The following MGAT4C variants were observed in gnomAD, a reference collection of about 807,000 sequenced individuals.
MGAT4C encodes alpha-1,3-mannosyl-glycoprotein 4-beta-N-acetylglucosaminyltransferase C.
In MGAT4C, 19 loss-of-function variants were observed where a neutral mutation model predicts 40.1. The ratio of observed to expected loss-of-function variants is 0.47; its 90% CI spans 0.33 to 0.70. The LOEUF (loss-of-function observed/expected upper bound fraction) is 0.70. Ranked by LOEUF, MGAT4C falls within the 30% of genes least tolerant of loss-of-function variation. The pLI is 0.02. For synonymous variants in MGAT4C, 181 were observed against 187.1 expected (o/e 0.97, Z 0.27); for missense variants, 491 against 563.2 (o/e 0.87, Z 1.30).
intron 3 of MGAT4C, among the ~76,000 whole-genome samples, chr12:86,409,540 C>A (rs1416302023): frequency 1.3e-5 from 2 of 152,170 alleles, no homozygotes; most frequent in African/African-American, 4.8e-5. Context: ...AAAGACATCA[C>A]AACCTTACAG....
intron 2 of MGAT4C, among the ~76,000 whole-genome samples, chr12:86,048,610 T>A (rs892104900): frequency 1.3e-5 from 2 of 151,750 alleles, no homozygotes; most frequent in Admixed American, 6.6e-5. Context: ...GGAAGAGATA[T>A]GGAAAATAAA....
chr12:86,450,817 C>T (rs1485008696), intron 2 of MGAT4C, among the ~76,000 whole-genome samples: 1 of 151,940 alleles, frequency 6.6e-6, no homozygotes, highest in Non-Finnish European at 1.5e-5. Context: ...TGCTTTCTTA[C>T]ATACACGTTT....
At position 85,979,650 on chromosome 12, in the gene MGAT4C, T is replaced by C; in HGVS notation, c.1076A>G (p.Lys359Arg). 6.2e-7 allele frequency: 1 copy of C among 1,612,788 alleles called. No homozygotes were observed. Among genetic ancestry groups the C allele is most frequent in the South Asian group, 1.1e-5 (1 of 91,074 alleles). ...GTACTCATCAACACTACTGTAAGCC[T>C]TGCTTGCTTCATAATTTTCAAACAC... ...MNVFENYEAS[K>R]AYSSVDEYFW... Residue 359 changes from lysine to arginine, a missense_variant, in exon 5 of 5, where the codon AAG (lysine) becomes AGG (arginine). Physicochemically the swap from Lys to Arg is conservative, Grantham distance 26 (BLOSUM62 2). Transcript: ENST00000611864.
intron 2 of MGAT4C, among the ~76,000 whole-genome samples, chr12:86,456,620 C>A (rs542980559): frequency 6.6e-6 from 1 of 152,130 alleles, no homozygotes; most frequent in East Asian, 1.9e-4. Context: ...AAACTAGAGG[C>A]AGATTTTAAT....
rs201822008 is a variant in MGAT4C, at chr12:86,579,229, CTTTCT to C, written c.-228-143969_-228-143965del. Among the ~76,000 whole-genome samples, 1,156 of 151,528 alleles carry C rather than the reference CTTTCT, an allele frequency of 7.6e-3. 14 individuals carry two copies. Among genetic ancestry groups the C allele is most frequent in the African/African-American group, 0.025 (1,051 of 41,442 alleles). ...ATTGTTTTGTGGTCTTCTCTTCCTC[CTTTCT>C]TTTCTTCCTGTCTTCCTCTAATGAA... On this transcript the variant is annotated intron_variant, in intron 2 of 7. Transcript: ENST00000548651.
At chr12:86,114,837 T>G (rs1160312552) in intron 1 of MGAT4C, among the ~76,000 whole-genome samples, 1 of 151,960 alleles carries the variant, frequency 6.6e-6, no homozygotes, top group East Asian at 1.9e-4. Flanking sequence ...TTAAAGATGT[T>G]AAAATCTATT....
At chr12:86,140,131 T>C (rs910546998) in intron 1 of MGAT4C, among the ~76,000 whole-genome samples, 1 of 152,180 alleles carries the variant, frequency 6.6e-6, no homozygotes, top group Non-Finnish European at 1.5e-5. Flanking sequence ...GATAAACTTC[T>C]TCCTGGAACT....
chr12:86,447,639 C>G (rs1592859823), intron 2 of MGAT4C, among the ~76,000 whole-genome samples: 1 of 152,080 alleles, frequency 6.6e-6, no homozygotes, highest in East Asian at 1.9e-4. Context: ...TTCTCCTATA[C>G]AGTAAGATTT....
intron 2 of MGAT4C, among the ~76,000 whole-genome samples, chr12:86,498,341 A>G (rs929277226): frequency 6.6e-6 from 1 of 151,750 alleles, no homozygotes; most frequent in African/African-American, 2.4e-5. Context: ...TCCAATAAAC[A>G]CATTGGAAAA....
intron 4 of MGAT4C, among the ~76,000 whole-genome samples, chr12:86,291,274 AG>A (rs1953507307): frequency 6.6e-6 from 1 of 152,256 alleles, no homozygotes; most frequent in Admixed American, 6.5e-5. Context: ...CGGGTTAAAA[AG>A]TATTTGACTC....
In MGAT4C at chr12:86,522,623, A is replaced by C. The variant is rs141349378; in HGVS notation, c.-228-87358T>G. On this transcript the variant is annotated intron_variant, in intron 2 of 7. Coordinates refer to the MGAT4C transcript ENST00000548651. ...GACGCTGGTCTTATGGAATGTGTTA[A>C]GGAAGTATTTCTCCTCCTCAATTTT... is the stretch of plus-strand genomic sequence containing the variant. Among the ~76,000 whole-genome samples, 777 of 152,192 alleles carry C rather than the reference A, an allele frequency of 5.1e-3. 4 individuals are homozygous for C. The highest frequency in any genetic ancestry group is 0.018 in the African/African-American group (746 of 41,550).
chr12:86,531,620 A>C (rs1445101301), intron 2 of MGAT4C, among the ~76,000 whole-genome samples: 1 of 152,038 alleles, frequency 6.6e-6, no homozygotes, highest in Non-Finnish European at 1.5e-5. Flanking sequence ...TTCAGACTTT[A>C]CATCCATTCA....
intron 1 of MGAT4C, among the ~76,000 whole-genome samples, chr12:86,155,134 A>C (rs1884776126): frequency 6.6e-6 from 1 of 152,210 alleles, no homozygotes; most frequent in South Asian, 2.1e-4. Context: ...ACTATTTTTC[A>C]GGTAGGGAAG....
chr12:86,732,157 T>A (rs557285597), intron 1 of MGAT4C, among the ~76,000 whole-genome samples: 1 of 152,324 alleles, frequency 6.6e-6, no homozygotes, highest in Non-Finnish European at 1.5e-5. Flanking sequence ...TGGAAACCAG[T>A]ATCAGCATTC....
intron 2 of MGAT4C, among the ~76,000 whole-genome samples, chr12:86,667,194 C>T (rs1964132147): frequency 6.6e-6 from 1 of 151,990 alleles, no homozygotes. Context: ...AGTGTGAAGA[C>T]TGAGAATAAA....
chr12:86,304,416 G>C (rs1029184888), intron 4 of MGAT4C, among the ~76,000 whole-genome samples: 1 of 150,412 alleles, frequency 6.6e-6, no homozygotes, highest in Non-Finnish European at 1.5e-5. Context: ...AAAGCTATTA[G>C]ATTAAGAGAA....
chr12:86,211,616 TAAAC>T (rs1035327742), intron 1 of MGAT4C, among the ~76,000 whole-genome samples: 13 of 150,996 alleles, frequency 8.6e-5, no homozygotes, highest in African/African-American at 2.9e-4. Flanking sequence ...ACACAACCAA[TAAAC>T]AAAATAAAAG....
intron 1 of MGAT4C, among the ~76,000 whole-genome samples, chr12:86,123,885 C>A (rs1879836101): frequency 6.6e-6 from 1 of 151,862 alleles, no homozygotes; most frequent in Non-Finnish European, 1.5e-5. Flanking sequence ...ACTAGAAAGT[C>A]CCTTGTATGT....
intron 1 of MGAT4C, among the ~76,000 whole-genome samples, chr12:86,788,610 A>G (rs1951974063): frequency 6.6e-6 from 1 of 152,178 alleles, no homozygotes; most frequent in East Asian, 1.9e-4. Flanking sequence ...GTTGCTTAAA[A>G]CTAAAGTACT....
Sources: gnomAD v4.1 joint callset for allele counts (sites outside exome capture counted in the v4.1 genomes callset) on GRCh38, gnomAD v4.1.1 for gene constraint, MANE v1.5 for transcripts, NCBI Gene and HGNC (gene_info 2026-07-23, HGNC 2026-07-21) for gene names.